CCDC171: variants seen among roughly 807,000 people sequenced by gnomAD.
CCDC171 encodes the protein coiled-coil domain-containing protein 171.
In CCDC171, 177 loss-of-function variants were observed where a neutral mutation model predicts 168.2. That is an observed-to-expected ratio of 1.05 (90% CI 0.93 to 1.19). The LOEUF (loss-of-function observed/expected upper bound fraction) is 1.19, where lower values mean the gene tolerates loss of function less well. Among genes scored for constraint, CCDC171 ranks in the 50% most tolerant of loss-of-function variants. The pLI, the probability that CCDC171 is intolerant of heterozygous loss-of-function variation, is 0.00. For synonymous variants in CCDC171, 687 were observed against 540.8 expected, an observed-to-expected ratio of 1.27 and a Z score of -3.75; for missense variants, 1,991 against 1,539.0, an observed-to-expected ratio of 1.29 and a Z score of -4.91.
chr9:15,584,081 C>T (rs1046177891), intron 4 of CCDC171, among the ~76,000 whole-genome samples: 8 of 152,168 alleles, frequency 5.3e-5, no homozygotes, highest in Admixed American at 1.3e-4. Context: ...CTTGGCCAGG[C>T]GGATCTTGAA....
At chr9:15,901,197 C>T (rs565231857) in intron 24 of CCDC171, among the ~76,000 whole-genome samples, 15 of 151,992 alleles carry the variant, frequency 9.9e-5, no homozygotes, top group Non-Finnish European at 2.1e-4. Context: ...TAGAGGGGAG[C>T]GAGGGATGAA....
chr9:16,003,832 G>A (rs1380097820), intron 3 of CCDC171, among the ~76,000 whole-genome samples: 1 of 152,192 alleles, frequency 6.6e-6, no homozygotes, highest in Non-Finnish European at 1.5e-5. Flanking sequence ...TCCCTTTGGT[G>A]CTCATATTTC....
intron 24 of CCDC171, among the ~76,000 whole-genome samples, chr9:15,893,498 A>G (rs901018757): frequency 1.3e-5 from 2 of 152,162 alleles, no homozygotes; most frequent in African/African-American, 4.8e-5. Context: ...TGAGCAGACA[A>G]CCTACAGAAT....
At chr9:15,798,074 T>C (rs1260153538) in intron 21 of CCDC171, among the ~76,000 whole-genome samples, 9 of 152,196 alleles carry the variant, frequency 5.9e-5, no homozygotes, top group Admixed American at 6.5e-5. Flanking sequence ...AATTCATATT[T>C]TTAAGGTGCT....
chr9:15,881,753 T>A (rs949628148), intron 24 of CCDC171, among the ~76,000 whole-genome samples: 11 of 152,228 alleles, frequency 7.2e-5, no homozygotes, highest in Non-Finnish European at 1.3e-4. Context: ...CTTATTTCAT[T>A]TAATGACCTG....
At chr9:15,947,561 T>A (rs1004039024) in intron 25 of CCDC171, among the ~76,000 whole-genome samples, 3 of 152,076 alleles carry the variant, frequency 2.0e-5, no homozygotes, top group African/African-American at 7.2e-5. Context: ...TAGGGCTGAA[T>A]AATATTCCAT....
chr9:15,910,086 T>C (rs1043150774), intron 24 of CCDC171, among the ~76,000 whole-genome samples: 6 of 152,152 alleles, frequency 3.9e-5, no homozygotes, highest in African/African-American at 7.2e-5. Context: ...ATTTCACTTA[T>C]AATGGCCTTA....
chr9:15,710,297 G>T (rs554938433), intron 11 of CCDC171, among the ~76,000 whole-genome samples: 1 of 149,954 alleles, frequency 6.7e-6, no homozygotes, highest in East Asian at 1.9e-4. Context: ...CTCCTCTTCT[G>T]TCTCTCTCTC....
chr9:15,983,315 T>G (rs1319806323), intron 3 of CCDC171, among the ~76,000 whole-genome samples: 1 of 152,190 alleles, frequency 6.6e-6, no homozygotes, highest in African/African-American at 2.4e-5. Context: ...GGAGTGCTCT[T>G]CATTTCTCTT....
the CCDC171 span, among the ~76,000 whole-genome samples, chr9:16,102,514 G>A: frequency 5.3e-5 from 8 of 150,710 alleles, no homozygotes; most frequent in East Asian, 1.6e-3. Flanking sequence ...TGGGGGCAGG[G>A]GGGAGGGTGG....
At chr9:15,774,676 T>C (rs1463104300) in intron 18 of CCDC171, among the ~76,000 whole-genome samples, 1 of 152,210 alleles carries the variant, frequency 6.6e-6, no homozygotes, top group Non-Finnish European at 1.5e-5. Context: ...AGCAGTACAA[T>C]TTGCAATTGC....
intron 24 of CCDC171, among the ~76,000 whole-genome samples, chr9:15,913,750 G>C (rs1192517699): frequency 6.6e-6 from 1 of 152,132 alleles, no homozygotes; most frequent in Non-Finnish European, 1.5e-5. Flanking sequence ...CAGCCTTTTT[G>C]AGCTGGTTTT....
chr9:15,554,972 A>T, intron 1 of CCDC171, among the ~76,000 whole-genome samples: 1 of 152,194 alleles, frequency 6.6e-6, no homozygotes, highest in Middle Eastern at 3.4e-3. Context: ...TTTTTCATCC[A>T]CCCATCCCTC....
chr9:15,841,612 A>G (rs866978517), intron 21 of CCDC171, among the ~76,000 whole-genome samples: 4 of 152,134 alleles, frequency 2.6e-5, no homozygotes, highest in Middle Eastern at 3.4e-3. Context: ...TTTAAATTAC[A>G]TAACTTTGTA....
upstream of CCDC171, among the ~76,000 whole-genome samples, chr9:16,040,879 C>CT (rs145586533): frequency 0.015 from 2,221 of 151,536 alleles, 60 homozygotes; most frequent in East Asian, 0.11. Context: ...AAGATACTCT[C>CT]TCTTTTTTTT....
intron 23 of CCDC171, among the ~76,000 whole-genome samples, chr9:15,870,470 T>C (rs185093947): frequency 1.1e-4 from 17 of 152,002 alleles, no homozygotes; most frequent in African/African-American, 4.1e-4. Context: ...GTAAATACAA[T>C]TGAAGCAGAT....
chr9:15,644,442 G>C (rs900088006), intron 7 of CCDC171, among the ~76,000 whole-genome samples: 1 of 152,106 alleles, frequency 6.6e-6, no homozygotes, highest in African/African-American at 2.4e-5. Context: ...AGCAGGGTGA[G>C]GCATCGTCTC....
Position 15,815,419 on chromosome 9 carries a change from CTTTT to C in CCDC171, c.3267+30739_3267+30742del, listed in dbSNP as rs59112774. On this transcript the variant is annotated intron_variant, in intron 21 of 25. Transcript: ENST00000380701. Reference sequence around the variant, plus strand: ...TTTTCACTTATTTTTACTTCTTTTACTTTTTTTTTTTTTTTTTACAAAGAATATG... The same window carrying C: ...TTTTCACTTATTTTTACTTCTTTTACTTTTTTTTTTTTTACAAAGAATATG... Among the ~76,000 whole-genome samples, 14 of 83,898 alleles carry C rather than the reference CTTTT, an allele frequency of 1.7e-4. 5 individuals carry two copies. The highest frequency in any genetic ancestry group is 6.5e-4 in the African/African-American group (14 of 21,378). The allele number at this position is 83,898 out of a possible 152,430, so 55.0% of individuals were successfully genotyped here.
At chr9:15,811,344 A>G (rs1330958383) in intron 21 of CCDC171, among the ~76,000 whole-genome samples, 1 of 152,250 alleles carries the variant, frequency 6.6e-6, no homozygotes. Context: ...TATTGGAAAC[A>G]TTACACAAAT....
Sources: allele counts gnomAD v4.1 joint callset (sites outside exome capture counted in the v4.1 genomes callset), GRCh38; gene constraint gnomAD v4.1.1; transcripts MANE v1.5; gene names NCBI Gene and HGNC (gene_info 2026-07-23, HGNC 2026-07-21).